The following NAALADL2 variants were observed in gnomAD, a reference collection of about 807,000 sequenced individuals.
NAALADL2 encodes N-acetylated alpha-linked acidic dipeptidase like 2.
NAALADL2 carries 76 observed loss-of-function variants against 87.2 expected under a neutral mutation model. The observed-to-expected ratio is 0.87, with a 90% CI of 0.72 to 1.05. The LOEUF (loss-of-function observed/expected upper bound fraction) is 1.05, where lower values mean the gene tolerates loss of function less well. Ranked by LOEUF, NAALADL2 falls within the 50% of genes least tolerant of loss-of-function variation. NAALADL2 has a pLI of 0.00. For synonymous variants in NAALADL2, 354 were observed against 331.0 expected (o/e 1.07, Z -0.75); for missense variants, 1,089 against 945.8 (o/e 1.15, Z -1.99).
chr3:175,238,482 A>C (rs1212790646), intron 3 of NAALADL2, among the ~76,000 whole-genome samples: 1 of 152,152 alleles, frequency 6.6e-6, no homozygotes, highest in Non-Finnish European at 1.5e-5. Flanking sequence ...AAATTAGATA[A>C]AGACACTATT....
chr3:174,905,633 A>C (rs1199016303), intron 1 of NAALADL2, among the ~76,000 whole-genome samples: 1 of 152,058 alleles, frequency 6.6e-6, no homozygotes, highest in African/African-American at 2.4e-5. Flanking sequence ...CTTCCATTTA[A>C]CAAAGCAAAA....
chr3:175,010,284 T>C (rs1749605189), intron 1 of NAALADL2, among the ~76,000 whole-genome samples: 2 of 152,146 alleles, frequency 1.3e-5, no homozygotes, highest in Admixed American at 6.6e-5. Context: ...GGCCTAAAAG[T>C]ATTTAGCTTT....
chr3:174,910,495 A>G (rs1733555574), intron 1 of NAALADL2, among the ~76,000 whole-genome samples: 1 of 152,096 alleles, frequency 6.6e-6, no homozygotes, highest in African/African-American at 2.4e-5. Context: ...AATAAGCAGT[A>G]AACATAAGAA....
At chr3:175,532,740 CT>C (rs1272066125) in intron 9 of NAALADL2, among the ~76,000 whole-genome samples, 1 of 152,214 alleles carries the variant, frequency 6.6e-6, no homozygotes, top group Admixed American at 6.5e-5. Flanking sequence ...GCTCCTGCCA[CT>C]TTGGTATCCA....
intron 6 of NAALADL2, among the ~76,000 whole-genome samples, chr3:175,458,529 TTATA>T (rs1722659324): frequency 6.8e-6 from 1 of 147,786 alleles, no homozygotes; most frequent in South Asian, 2.1e-4. Flanking sequence ...TCTCTTGGTT[TTATA>T]TATAATATAT....
intron 1 of NAALADL2, among the ~76,000 whole-genome samples, chr3:174,456,411 C>CAAAAAAAAA (rs59833697): frequency 4.6e-4 from 26 of 56,368 alleles, no homozygotes; most frequent in African/African-American, 1.5e-3. Context: ...CAATCCTAAG[C>CAAAAAAAAA]AAAAAAAAAA....
intron 1 of NAALADL2, among the ~76,000 whole-genome samples, chr3:175,032,285 TAATA>T (rs1168852744): frequency 4.5e-4 from 68 of 152,206 alleles, no homozygotes; most frequent in African/African-American, 1.5e-3. Context: ...CCAGTATTAT[TAATA>T]AATCTGTGTA....
chr3:174,494,083 G>A (rs1022351524), intron 1 of NAALADL2, among the ~76,000 whole-genome samples: 18 of 152,128 alleles, frequency 1.2e-4, no homozygotes, highest in African/African-American at 4.1e-4. Context: ...GGATTGGGTA[G>A]AGTATGTGCT....
intron 1 of NAALADL2, among the ~76,000 whole-genome samples, chr3:174,984,118 A>C (rs903631757): frequency 9.9e-5 from 15 of 152,188 alleles, no homozygotes; most frequent in Admixed American, 4.6e-4. Context: ...GTTTTAAAAA[A>C]ACACACACAC....
chr3:175,501,933 C>T (rs1239608740), intron 9 of NAALADL2, among the ~76,000 whole-genome samples: 1 of 151,690 alleles, frequency 6.6e-6, no homozygotes, highest in African/African-American at 2.4e-5. Flanking sequence ...TCATGGAAAC[C>T]AAGAAGTAAG....
chr3:175,772,913 C>G (rs1749703015), intron 13 of NAALADL2, among the ~76,000 whole-genome samples: 1 of 152,078 alleles, frequency 6.6e-6, no homozygotes, highest in Non-Finnish European at 1.5e-5. Context: ...ATCTAAAATA[C>G]ATATAAAATA....
intron 4 of NAALADL2, among the ~76,000 whole-genome samples, chr3:175,293,737 C>T (rs137999437): frequency 6.6e-6 from 1 of 152,172 alleles, no homozygotes. Flanking sequence ...TGAAAGTGAA[C>T]CCTCATCAGA....
intron 9 of NAALADL2, among the ~76,000 whole-genome samples, chr3:175,513,604 T>C (rs890048429): frequency 5.3e-5 from 8 of 152,198 alleles, no homozygotes; most frequent in African/African-American, 1.9e-4. Flanking sequence ...AAAAACAAGC[T>C]TTTACATTTA....
chr3:174,572,485 C>T (rs532378787), intron 2 of NAALADL2, among the ~76,000 whole-genome samples: 10 of 151,718 alleles, frequency 6.6e-5, no homozygotes, highest in East Asian at 3.9e-4. Flanking sequence ...AGAAACAAGA[C>T]GAAGATGCAG....
At chr3:175,277,750 G>A (rs1753784003) in intron 4 of NAALADL2, among the ~76,000 whole-genome samples, 2 of 151,954 alleles carry the variant, frequency 1.3e-5, no homozygotes, top group African/African-American at 2.4e-5. Context: ...AATTCATCTT[G>A]TATAACTTCA....
chr3:174,807,028 A>G (rs948255661), intron 3 of NAALADL2, among the ~76,000 whole-genome samples: 13 of 152,160 alleles, frequency 8.5e-5, no homozygotes, highest in African/African-American at 2.4e-4. Context: ...CTTGAAATTG[A>G]GATTAAGTGT....
intron 9 of NAALADL2, among the ~76,000 whole-genome samples, chr3:175,503,353 A>G (rs551843922): frequency 1.3e-5 from 2 of 152,230 alleles, no homozygotes; most frequent in African/African-American, 2.4e-5. Context: ...GGTTGATTCC[A>G]TGACTTTGCT....
At chr3:175,501,611 G>C (rs1729558325) in intron 9 of NAALADL2, among the ~76,000 whole-genome samples, 1 of 152,014 alleles carries the variant, frequency 6.6e-6, no homozygotes, top group Admixed American at 6.6e-5. Flanking sequence ...ACACAGTTTT[G>C]AGCCTTAGTG....
chr3:174,779,371 TAAGCC>T (rs1325772018), intron 3 of NAALADL2, among the ~76,000 whole-genome samples: 1 of 152,180 alleles, frequency 6.6e-6, no homozygotes, highest in African/African-American at 2.4e-5. Context: ...ATTCTGGACA[TAAGCC>T]CTTTATCAGA....
Sources: gnomAD v4.1 joint callset for allele counts (sites outside exome capture counted in the v4.1 genomes callset) on GRCh38, gnomAD v4.1.1 for gene constraint, MANE v1.5 for transcripts, NCBI Gene and HGNC (gene_info 2026-07-23, HGNC 2026-07-21) for gene names.